The following PTPRN2 variants were observed in gnomAD, a reference collection of about 807,000 sequenced individuals.
PTPRN2 encodes receptor-type tyrosine-protein phosphatase N2.
A neutral mutation model predicts 118.8 loss-of-function variants in PTPRN2; 74 were observed. That is an observed-to-expected ratio of 0.62 (90% confidence interval 0.52 to 0.76). The LOEUF is 0.76. Ranked by LOEUF, PTPRN2 falls within the 30% of genes least tolerant of loss-of-function variation. The pLI is 0.00. For missense variants in PTPRN2, 1,481 were observed against 1,394.4 expected (o/e 1.06, Z -0.99); for synonymous variants, 641 against 608.0 (o/e 1.05, Z -0.80).
intron 4 of PTPRN2, among the ~76,000 whole-genome samples, chr7:158,194,965 T>C (rs1321615632): frequency 2.0e-5 from 3 of 152,252 alleles, no homozygotes; most frequent in Non-Finnish European, 4.4e-5. Context: ...CAATACACTT[T>C]CATCATTTTT....
At chr7:158,002,617 G>A (rs912093663) in intron 11 of PTPRN2, among the ~76,000 whole-genome samples, 6 of 152,174 alleles carry the variant, frequency 3.9e-5, no homozygotes, top group African/African-American at 1.2e-4. Context: ...TCATCTGAGG[G>A]GTGAAGAGGA....
chr7:157,844,036 G>A (rs1808619403), intron 12 of PTPRN2, among the ~76,000 whole-genome samples: 1 of 152,034 alleles, frequency 6.6e-6, no homozygotes, highest in Admixed American at 6.5e-5. Context: ...GGGCGGCGCA[G>A]GCCCCTCCAC....
chr7:158,357,711 A>G (rs966431408), intron 2 of PTPRN2, among the ~76,000 whole-genome samples: 1 of 152,226 alleles, frequency 6.6e-6, no homozygotes, highest in East Asian at 1.9e-4. Context: ...CCCAGCTCTT[A>G]TGTCCCGTAA....
chr7:158,193,476 G>C (rs1317937205), intron 4 of PTPRN2, among the ~76,000 whole-genome samples: 1 of 152,146 alleles, frequency 6.6e-6, no homozygotes, highest in Non-Finnish European at 1.5e-5. Context: ...CGGAGAGACA[G>C]AGTCAGGACT....
chr7:158,005,879 G>T (rs1264768247), intron 11 of PTPRN2, among the ~76,000 whole-genome samples: 1 of 152,226 alleles, frequency 6.6e-6, no homozygotes, highest in Non-Finnish European at 1.5e-5. Flanking sequence ...TGTCTCTAGT[G>T]CACTCAGAGT....
intron 2 of PTPRN2, among the ~76,000 whole-genome samples, chr7:158,408,120 T>C (rs1563256430): frequency 6.6e-6 from 1 of 152,234 alleles, no homozygotes; most frequent in Non-Finnish European, 1.5e-5. Flanking sequence ...ATTTGTTAAG[T>C]TACACTGACA....
chr7:157,699,523 C>A (rs1315888708), intron 12 of PTPRN2, among the ~76,000 whole-genome samples: 1 of 152,174 alleles, frequency 6.6e-6, no homozygotes, highest in Non-Finnish European at 1.5e-5. Flanking sequence ...CAACCGCCGA[C>A]ACCCAGGTTC....
At chr7:157,556,620 T>C (rs1232604481) in intron 21 of PTPRN2, among the ~76,000 whole-genome samples, 1 of 149,488 alleles carries the variant, frequency 6.7e-6, no homozygotes, top group East Asian at 2.0e-4. Context: ...CCACACATCA[T>C]ACATATGCAC....
At chr7:157,578,166 G>A (rs775108277) in intron 17 of PTPRN2, 26 bp from the exon 18 acceptor site, 73 of 1,589,308 alleles carry the variant, frequency 4.6e-5, no homozygotes, top group Non-Finnish European at 6.2e-5. Flanking sequence ...GCCCGTGGCC[G>A]CGGTGTGACT....
At chr7:157,833,875 G>T (rs963547395) in intron 12 of PTPRN2, among the ~76,000 whole-genome samples, 1 of 152,218 alleles carries the variant, frequency 6.6e-6, no homozygotes, top group African/African-American at 2.4e-5. Context: ...AGTCGAATCG[G>T]ACAGGACGTG....
chr7:157,786,160 G>T (rs1163492973), intron 12 of PTPRN2, among the ~76,000 whole-genome samples: 2 of 152,210 alleles, frequency 1.3e-5, no homozygotes, highest in Non-Finnish European at 2.9e-5. Context: ...CCTGCGTGGG[G>T]TTCTCCCTGC....
chr7:157,815,214 C>T (rs570943291), intron 12 of PTPRN2, among the ~76,000 whole-genome samples: 3 of 152,322 alleles, frequency 2.0e-5, no homozygotes, highest in South Asian at 2.1e-4. Context: ...GCGCTGGGCA[C>T]GCTGGGAAGA....
chr7:157,856,027 G>A (rs1422552178), intron 12 of PTPRN2: 3 of 152,252 alleles, frequency 2.0e-5, no homozygotes, highest in Admixed American at 6.5e-5. Flanking sequence ...GGTGGAGGAA[G>A]TCAGCTGTGC....
At chr7:158,319,534 CACA>C in intron 2 of PTPRN2, among the ~76,000 whole-genome samples, 1 of 135,462 alleles carries the variant, frequency 7.4e-6, no homozygotes, top group Admixed American at 7.5e-5. Context: ...CCCTCACACA[CACA>C]GCCTCCCTCA....
chr7:158,364,858 T>C (rs1411534057), intron 2 of PTPRN2, among the ~76,000 whole-genome samples: 2 of 152,128 alleles, frequency 1.3e-5, no homozygotes, highest in Non-Finnish European at 2.9e-5. Flanking sequence ...ACTTGACTTC[T>C]ACCAAAAAAG....
In PTPRN2 at chr7:158,110,902, C is replaced by A. The variant is rs368863150; in HGVS notation, c.1570G>T (p.Glu524Ter). Residue 524 changes from glutamate to a stop codon, truncating the protein, a stop_gained, in exon 10 of 23, where the codon GAG becomes TAG. Coordinates refer to ENST00000389418, the MANE Select transcript of PTPRN2 (RefSeq NM_002847.5). LOFTEE classifies it high-confidence loss of function. The part of the protein sequence containing the change: ...IVTDRDPLRP[E>*]EGRRLVEDVA... ...TCCTCCACCAGCCGCCTTCCTTCCT[C>A]GGGGCGCAGGGGGCTGCGGATGACA... 6.4e-7 allele frequency: 1 copy of A among 1,569,322 alleles called. No homozygotes were observed. Among genetic ancestry groups the A allele is most frequent in the Non-Finnish European group, 8.6e-7 (1 of 1,158,032 alleles).
At chr7:157,802,213 G>A (rs1257756956) in intron 12 of PTPRN2, among the ~76,000 whole-genome samples, 1 of 152,224 alleles carries the variant, frequency 6.6e-6, no homozygotes, top group East Asian at 1.9e-4. Context: ...CTGAAACCTT[G>A]TGCCCTTGGA....
At chr7:158,523,628 A>AGCGGAGTCG (rs765226511) in intron 1 of PTPRN2, among the ~76,000 whole-genome samples, 1 of 14,000 alleles carries the variant, frequency 7.1e-5, no homozygotes, top group Non-Finnish European at 1.3e-4. Flanking sequence ...GAGTGGAGTC[A>AGCGGAGTCG]TCTGCCCTGG....
At chr7:158,146,180 T>G (rs1370490264) in intron 6 of PTPRN2, among the ~76,000 whole-genome samples, 1 of 152,164 alleles carries the variant, frequency 6.6e-6, no homozygotes, top group Non-Finnish European at 1.5e-5. Context: ...GCCCCTTAGA[T>G]GCTCAGTCAC....
Sources: gnomAD v4.1 joint callset for allele counts (sites outside exome capture counted in the v4.1 genomes callset) on GRCh38, gnomAD v4.1.1 for gene constraint, MANE v1.5 for transcripts, NCBI Gene and HGNC (gene_info 2026-07-23, HGNC 2026-07-21) for gene names.